The following ZNF804B variants were observed in gnomAD, a reference collection of about 807,000 sequenced individuals.
ZNF804B encodes the protein zinc finger protein 804B, also known as zinc finger 804B.
A neutral mutation model predicts 101.4 loss-of-function variants in ZNF804B; 80 were observed. The ratio of observed to expected loss-of-function variants is 0.79; its 90% CI spans 0.66 to 0.95. The LOEUF (loss-of-function observed/expected upper bound fraction) is 0.95. Ranked by LOEUF, ZNF804B falls within the 40% of genes least tolerant of loss-of-function variation. ZNF804B has a pLI of 0.00. For synonymous variants in ZNF804B, 622 were observed against 558.8 expected (o/e 1.11, Z -1.59); for missense variants, 1,673 against 1,561.9 (o/e 1.07, Z -1.20).
chr7:89,317,440 C>A (rs1216473970), intron 2 of ZNF804B, among the ~76,000 whole-genome samples: 1 of 152,120 alleles, frequency 6.6e-6, no homozygotes, highest in Non-Finnish European at 1.5e-5. Context: ...CCCAATATGA[C>A]TAAATGCGAA....
chr7:88,995,513 G>A (rs1584060505), intron 1 of ZNF804B, among the ~76,000 whole-genome samples: 1 of 151,894 alleles, frequency 6.6e-6, no homozygotes, highest in Non-Finnish European at 1.5e-5. Context: ...TACAAATCAG[G>A]CACATTGTAC....
At chr7:89,137,736 G>C (rs1324387676) in intron 1 of ZNF804B, among the ~76,000 whole-genome samples, 1 of 152,146 alleles carries the variant, frequency 6.6e-6, no homozygotes, top group Non-Finnish European at 1.5e-5. Flanking sequence ...ATTTAAGCTG[G>C]CTGCAGAAAT....
At chr7:89,003,775 A>G (rs1788325336) in intron 1 of ZNF804B, among the ~76,000 whole-genome samples, 1 of 151,858 alleles carries the variant, frequency 6.6e-6, no homozygotes. Flanking sequence ...ATTACATTCA[A>G]TTTTTCGACT....
chr7:88,854,391 C>A (rs1418222320), intron 1 of ZNF804B, among the ~76,000 whole-genome samples: 3 of 144,768 alleles, frequency 2.1e-5, no homozygotes, highest in Admixed American at 6.8e-5. Context: ...TACTGCATTT[C>A]TTTCTTTCTT....
chr7:89,309,629 A>T (rs576176449), intron 2 of ZNF804B, among the ~76,000 whole-genome samples: 2 of 151,780 alleles, frequency 1.3e-5, no homozygotes, highest in South Asian at 4.2e-4. Context: ...GTGTGGTGGC[A>T]CACACCTGTA....
At chr7:88,845,352 C>T (rs17164709) in intron 1 of ZNF804B, among the ~76,000 whole-genome samples, 31,030 of 151,488 alleles carry the variant, frequency 0.2, 3,504 homozygotes, top group East Asian at 0.45. Flanking sequence ...AAATATGCCA[C>T]CTCTTGTCCA....
chr7:89,286,772 C>G (rs1790205105), intron 2 of ZNF804B, among the ~76,000 whole-genome samples: 1 of 152,114 alleles, frequency 6.6e-6, no homozygotes, highest in Admixed American at 6.5e-5. Flanking sequence ...ATGGGCCCTT[C>G]TATCATATGA....
chr7:89,138,376 C>A (rs1207116329), intron 1 of ZNF804B, among the ~76,000 whole-genome samples: 1 of 152,086 alleles, frequency 6.6e-6, no homozygotes, highest in African/African-American at 2.4e-5. Context: ...CATTTTGCAG[C>A]TTTACGATGT....
intron 1 of ZNF804B, among the ~76,000 whole-genome samples, chr7:89,136,767 G>GCA (rs1174366986): frequency 9.4e-5 from 14 of 148,722 alleles, no homozygotes; most frequent in East Asian, 7.8e-4. Flanking sequence ...GTGTGTGTGC[G>GCA]CGCACGTGTG....
chr7:88,975,460 G>GA lies in ZNF804B; in HGVS notation c.108+215385dup, dbSNP rs202242786. Among the ~76,000 whole-genome samples the GA allele has an allele frequency of 3.3e-4, 49 of 149,256 alleles. No individual in the cohort carries two copies. In the South Asian group the frequency reaches 6.1e-3, roughly 19 times the overall value. ...ATATTTGATATTGCTTGTCTTTTAGGAAAAAAAAAGTGATTTTAACAAGGA... is the reference window on the plus strand; with the variant it reads ...ATATTTGATATTGCTTGTCTTTTAGGAAAAAAAAAAGTGATTTTAACAAGGA... On this transcript the variant is annotated intron_variant, in intron 1 of 3. Coordinates refer to ENST00000333190, the MANE Select transcript of ZNF804B (RefSeq NM_181646.5).
chr7:89,198,306 T>C (rs935045211), intron 1 of ZNF804B, among the ~76,000 whole-genome samples: 3 of 151,922 alleles, frequency 2.0e-5, no homozygotes, highest in Admixed American at 6.6e-5. Context: ...TTAGAAATGT[T>C]ATAAATTGAT....
intron 1 of ZNF804B, among the ~76,000 whole-genome samples, chr7:88,763,695 T>A (rs939696413): frequency 6.6e-6 from 1 of 152,056 alleles, no homozygotes; most frequent in Non-Finnish European, 1.5e-5. Context: ...TCTAAAATAA[T>A]ATGACTACAT....
At chr7:89,103,081 T>TTTTTC (rs1790085700) in intron 1 of ZNF804B, among the ~76,000 whole-genome samples, 1 of 111,394 alleles carries the variant, frequency 9.0e-6, no homozygotes, top group Middle Eastern at 4.7e-3. Context: ...TTTTTTTTTT[T>TTTTTC]TTACCAATAC....
intron 1 of ZNF804B, among the ~76,000 whole-genome samples, chr7:88,917,005 C>T (rs796805607): frequency 2.0e-5 from 3 of 152,208 alleles, no homozygotes; most frequent in African/African-American, 7.2e-5. Context: ...TGGCTCACGC[C>T]TGTAATCCTA....
intron 1 of ZNF804B, among the ~76,000 whole-genome samples, chr7:88,934,148 A>G (rs1258652450): frequency 6.6e-6 from 1 of 152,106 alleles, no homozygotes; most frequent in East Asian, 1.9e-4. Context: ...AAAGCATACA[A>G]AAACATAAAT....
chr7:88,835,849 A>G (rs954791603), intron 1 of ZNF804B, among the ~76,000 whole-genome samples: 1 of 151,950 alleles, frequency 6.6e-6, no homozygotes, highest in East Asian at 1.9e-4. Context: ...AAATATAAAT[A>G]TTTGAGCTCA....
chr7:89,105,648 C>A (rs981547478), intron 1 of ZNF804B, among the ~76,000 whole-genome samples: 13 of 152,082 alleles, frequency 8.5e-5, no homozygotes, highest in African/African-American at 3.1e-4. Flanking sequence ...ACTTATGTAA[C>A]CAAAGGTACG....
intron 1 of ZNF804B, among the ~76,000 whole-genome samples, chr7:88,926,805 T>G (rs1405337635): frequency 3.9e-5 from 6 of 152,128 alleles, no homozygotes; most frequent in Non-Finnish European, 8.8e-5. Context: ...TAAGTCCAGC[T>G]TCCGAATTAC....
chr7:88,818,614 CAGG>C (rs1356764107), intron 1 of ZNF804B, among the ~76,000 whole-genome samples: 1 of 152,064 alleles, frequency 6.6e-6, no homozygotes, highest in Admixed American at 6.6e-5. Context: ...CAAATTCCAA[CAGG>C]AGATTTGATT....
Sources: gnomAD v4.1 joint callset for allele counts (sites outside exome capture counted in the v4.1 genomes callset) on GRCh38, gnomAD v4.1.1 for gene constraint, MANE v1.5 for transcripts, NCBI Gene and HGNC (gene_info 2026-07-23, HGNC 2026-07-21) for gene names.